The following SLC25A21 variants were observed in gnomAD, a reference collection of about 807,000 sequenced individuals.
SLC25A21 encodes solute carrier family 25 member 21, also known as mitochondrial 2-oxodicarboxylate carrier.
Under a neutral mutation model 43.8 loss-of-function variants are expected in SLC25A21, and 47 were observed. The ratio of observed to expected loss-of-function variants is 1.07; its 90% CI spans 0.85 to 1.37. SLC25A21 has a LOEUF of 1.37. Among genes scored for constraint, SLC25A21 ranks in the 40% most tolerant of loss-of-function variants. The pLI, the probability that SLC25A21 is intolerant of heterozygous loss-of-function variation, is 0.00. For missense variants in SLC25A21, 352 were observed against 350.2 expected, an observed-to-expected ratio of 1.00 and a Z score of -0.04; for synonymous variants, 131 against 121.3, an observed-to-expected ratio of 1.08 and a Z score of -0.52.
intron 1 of SLC25A21, among the ~76,000 whole-genome samples, chr14:37,102,247 C>A (rs572915846): frequency 1.3e-5 from 2 of 152,104 alleles, no homozygotes; most frequent in Admixed American, 1.3e-4. Context: ...TCAAGACCAG[C>A]CTGGCCAACA....
chr14:36,744,031 A>T (rs1479363104), intron 3 of SLC25A21, among the ~76,000 whole-genome samples: 1 of 152,198 alleles, frequency 6.6e-6, no homozygotes, highest in African/African-American at 2.4e-5. Flanking sequence ...TGAGAAAAGA[A>T]TCATAGATGA....
At chr14:36,805,097 A>C (rs1468445354) in intron 3 of SLC25A21, among the ~76,000 whole-genome samples, 1 of 152,170 alleles carries the variant, frequency 6.6e-6, no homozygotes, top group Non-Finnish European at 1.5e-5. Flanking sequence ...ACCCTCCTAG[A>C]AGACAACAAT....
At chr14:36,680,785 T>C in intron 9 of SLC25A21, 66 bp from the exon 10 acceptor site, 1 of 1,478,710 alleles carries the variant, frequency 6.8e-7, no homozygotes. Flanking sequence ...TCCCACTGGG[T>C]TTCTGAATCC....
At chr14:37,065,082 T>A (rs912471907) in intron 1 of SLC25A21, among the ~76,000 whole-genome samples, 1 of 152,134 alleles carries the variant, frequency 6.6e-6, no homozygotes, top group Non-Finnish European at 1.5e-5. Flanking sequence ...ATACAGTATA[T>A]ATGTATATGC....
intron 2 of SLC25A21, among the ~76,000 whole-genome samples, chr14:36,816,007 T>C (rs1888442989): frequency 6.6e-6 from 1 of 152,230 alleles, no homozygotes; most frequent in Non-Finnish European, 1.5e-5. Context: ...ATATATTTTA[T>C]AGTTCTAGGC....
At chr14:36,811,848 G>A in intron 3 of SLC25A21, among the ~76,000 whole-genome samples, 1 of 152,164 alleles carries the variant, frequency 6.6e-6, no homozygotes, top group Admixed American at 6.5e-5. Context: ...ACTACCAGAA[G>A]AAATGTTTAT....
intron 3 of SLC25A21, among the ~76,000 whole-genome samples, chr14:36,766,627 G>C (rs773951145): frequency 1.3e-5 from 2 of 152,086 alleles, no homozygotes; most frequent in East Asian, 1.9e-4. Flanking sequence ...AACATGCCCC[G>C]TGCTTTCTGG....
chr14:36,985,558 T>C (rs1960128261), intron 1 of SLC25A21, among the ~76,000 whole-genome samples: 1 of 152,188 alleles, frequency 6.6e-6, no homozygotes, highest in African/African-American at 2.4e-5. Flanking sequence ...GCAGAATGCA[T>C]CTCAATTTGG....
intron 1 of SLC25A21, among the ~76,000 whole-genome samples, chr14:36,966,771 A>G (rs1959626244): frequency 6.6e-6 from 1 of 152,178 alleles, no homozygotes; most frequent in African/African-American, 2.4e-5. Flanking sequence ...ATTCTAAAAC[A>G]AATGTTTCTA....
chr14:36,867,318 G>A (rs998567698), intron 2 of SLC25A21, among the ~76,000 whole-genome samples: 21 of 152,044 alleles, frequency 1.4e-4, no homozygotes, highest in African/African-American at 4.8e-4. Flanking sequence ...CAATGAAGAC[G>A]ACACAATGAA....
intron 3 of SLC25A21, among the ~76,000 whole-genome samples, chr14:36,779,289 C>T (rs1886948557): frequency 7.1e-6 from 1 of 141,252 alleles, no homozygotes; most frequent in Non-Finnish European, 1.5e-5. Context: ...TCTTATATAT[C>T]ATATTATTAC....
chr14:37,032,873 A>T (rs1409454967), intron 1 of SLC25A21, among the ~76,000 whole-genome samples: 2 of 152,198 alleles, frequency 1.3e-5, no homozygotes, highest in Non-Finnish European at 2.9e-5. Context: ...GAAGAAAAAC[A>T]GTTCCTAAGT....
At chr14:36,727,812 G>A (rs1469071690) in intron 5 of SLC25A21, among the ~76,000 whole-genome samples, 1 of 152,042 alleles carries the variant, frequency 6.6e-6, no homozygotes, top group Non-Finnish European at 1.5e-5. Flanking sequence ...AAACATATTT[G>A]TATAGGGTAA....
At chr14:36,811,658 A>C (rs919791361) in intron 3 of SLC25A21, among the ~76,000 whole-genome samples, 1 of 152,156 alleles carries the variant, frequency 6.6e-6, no homozygotes, top group African/African-American at 2.4e-5. Context: ...TCTCAAAAAA[A>C]ACCCCCAAAG....
intron 1 of SLC25A21, among the ~76,000 whole-genome samples, chr14:37,083,661 C>A (rs1962429720): frequency 6.6e-6 from 1 of 152,208 alleles, no homozygotes; most frequent in African/African-American, 2.4e-5. Flanking sequence ...ACCAGTGCTA[C>A]TCAAAGTCTG....
At chr14:36,688,427 T>TG (rs1882646296) in intron 7 of SLC25A21, among the ~76,000 whole-genome samples, 2 of 152,178 alleles carry the variant, frequency 1.3e-5, no homozygotes, top group African/African-American at 4.8e-5. Flanking sequence ...TTTTGCAGAG[T>TG]ACACTGTAGG....
intron 1 of SLC25A21, among the ~76,000 whole-genome samples, chr14:36,875,502 C>T (rs1046644237): frequency 3.3e-5 from 5 of 152,106 alleles, no homozygotes; most frequent in African/African-American, 1.2e-4. Flanking sequence ...TATGAAAATA[C>T]AATACATATC....
At chr14:37,003,909 C>G (rs1189070302) in intron 1 of SLC25A21, among the ~76,000 whole-genome samples, 1 of 152,112 alleles carries the variant, frequency 6.6e-6, no homozygotes, top group African/African-American at 2.4e-5. Context: ...AAAGTTTTCC[C>G]TTCCAAAATG....
At chr14:36,834,186 CAAG>C (rs1321746396) in intron 2 of SLC25A21, among the ~76,000 whole-genome samples, 1 of 152,162 alleles carries the variant, frequency 6.6e-6, no homozygotes, top group Non-Finnish European at 1.5e-5. Context: ...ACACGATTAG[CAAG>C]AAGATCACTA....
Sources: gnomAD v4.1 joint callset for allele counts (sites outside exome capture counted in the v4.1 genomes callset) on GRCh38, gnomAD v4.1.1 for gene constraint, MANE v1.5 for transcripts, NCBI Gene and HGNC (gene_info 2026-07-23, HGNC 2026-07-21) for gene names.